Variants in FAM193A observed in about 807,000 individuals in gnomAD.
FAM193A encodes the protein protein FAM193A.
FAM193A carries 22 observed loss-of-function variants against 126.5 expected under a neutral mutation model. The ratio of observed to expected loss-of-function variants is 0.17; its 90% CI spans 0.12 to 0.25. FAM193A has a LOEUF of 0.25. FAM193A is among the 10% of genes least tolerant of loss of function. The probability of loss-of-function intolerance (pLI) is 1.00; values close to 1 mark genes in which losing one functional copy is unlikely to be tolerated. For synonymous variants in FAM193A, 761 were observed against 646.8 expected, an observed-to-expected ratio of 1.18 and a Z score of -2.68; for missense variants, 1,675 against 1,672.8, an observed-to-expected ratio of 1.00 and a Z score of -0.02.
chr4:2,668,823 CCTTTTCCTTTT>C (rs147244398), intron 12 of FAM193A, among the ~76,000 whole-genome samples: 3,149 of 149,392 alleles, frequency 0.021, 85 homozygotes, highest in African/African-American at 0.061. Flanking sequence ...TTTCTCTTTT[CCTTTTCCTTTT>C]CTTTTCCTTT....
At chr4:2,613,688 G>A (rs992086741) in intron 2 of FAM193A, among the ~76,000 whole-genome samples, 2 of 151,574 alleles carry the variant, frequency 1.3e-5, no homozygotes, top group Non-Finnish European at 2.9e-5. Flanking sequence ...TCCCGACCTC[G>A]GGTGATCCGC....
Position 2,604,980 on chromosome 4 carries a change from T to A in FAM193A, c.501+8651T>A, listed in dbSNP as rs796422964. 4.1e-3 allele frequency among the ~76,000 whole-genome samples: 614 copies of A among 150,058 alleles called. 6 individuals carry two copies. Among genetic ancestry groups the A allele is most frequent in the African/African-American group, 0.011 (443 of 40,812 alleles). On this transcript the variant is annotated intron_variant, in intron 2 of 20. Transcript: ENST00000637812. ...TCCTGGATGATTTTTTTTTTTTTTT[T>A]AAATTTTTTGTAGGGATGGGTCCCT...
rs1341944153 is a variant in FAM193A, at chr4:2,627,859, C to T, written c.803+1282C>T. Among the ~76,000 whole-genome samples the T allele has an allele frequency of 2.0e-5, 3 of 152,132 alleles. No homozygotes were observed. In the East Asian group the frequency reaches 5.8e-4, roughly 29 times the overall value. ...CTGGGTTCACGCCGTTCTCCTGCCT[C>T]AGCCTGCCGAGTAGCTGGGACTACA... On this transcript the variant is annotated intron_variant, in intron 4 of 20. Transcript: ENST00000637812.
chr4:2,549,365 G>A (rs1401190396), intron 1 of FAM193A, among the ~76,000 whole-genome samples: 1 of 149,612 alleles, frequency 6.7e-6, no homozygotes, highest in African/African-American at 2.5e-5. Context: ...AGGTTATGAC[G>A]ATTTTTTTCC....
At chr4:2,585,631 G>A (rs1740190316) in intron 1 of FAM193A, among the ~76,000 whole-genome samples, 1 of 151,980 alleles carries the variant, frequency 6.6e-6, no homozygotes, top group African/African-American at 2.4e-5. Context: ...TCAAATAGAA[G>A]TTTTAAATTT....
chr4:2,569,291 A>G (rs901859535), intron 1 of FAM193A, among the ~76,000 whole-genome samples: 2 of 151,672 alleles, frequency 1.3e-5, no homozygotes, highest in Admixed American at 6.6e-5. Context: ...GAGCCAGCTG[A>G]TCGGAAACCC....
intron 2 of FAM193A, among the ~76,000 whole-genome samples, chr4:2,606,246 T>A (rs1317635646): frequency 6.6e-6 from 1 of 151,730 alleles, no homozygotes; most frequent in African/African-American, 2.4e-5. Context: ...AGATGGGGGT[T>A]TCACCATCTT....
intron 5 of FAM193A, among the ~76,000 whole-genome samples, chr4:2,634,113 G>A (rs186414687): frequency 6.6e-6 from 1 of 152,336 alleles, no homozygotes; most frequent in African/African-American, 2.4e-5. Context: ...GACGACACTA[G>A]TAAGGTTGAA....
At chr4:2,541,549 G>A (rs1440977050) in intron 1 of FAM193A, among the ~76,000 whole-genome samples, 6 of 150,484 alleles carry the variant, frequency 4.0e-5, no homozygotes, top group Non-Finnish European at 8.9e-5. Flanking sequence ...GGGTTCAAGC[G>A]ATTCTCCTGC....
intron 3 of FAM193A, 122 bp from the exon 4 acceptor site, chr4:2,626,287 AT>A: frequency 1.6e-6 from 1 of 625,090 alleles, no homozygotes. Context: ...CAGCAGCCTG[AT>A]TGCCGGCTCC....
rs1461559235 is a variant in FAM193A, at chr4:2,625,251, T to C, written c.502-11T>C. On this transcript the variant is annotated splice_polypyrimidine_tract_variant and intron_variant, in intron 2 of 20. Transcript: ENST00000637812. ...ACATAACTGGTCTATTCTGTTCTCT[T>C]TTTAAAACAGAGCCAAGATTTTCTT... 1.4e-6 allele frequency: 1 copy of C among 699,740 alleles called. No homozygotes were observed. The highest frequency in any genetic ancestry group is 1.7e-5 in the African/African-American group (1 of 57,214). 43.3% of individuals were successfully genotyped at this position (699,740 alleles called of 1,614,324 possible).
intron 20 of FAM193A, among the ~76,000 whole-genome samples, chr4:2,718,448 C>T (rs958534519): frequency 6.6e-6 from 1 of 151,682 alleles, no homozygotes. Context: ...AAGTTTTGTC[C>T]GGGTGCTGTG....
chr4:2,613,138 G>A (rs1741977150), intron 2 of FAM193A, among the ~76,000 whole-genome samples: 1 of 152,084 alleles, frequency 6.6e-6, no homozygotes, highest in Non-Finnish European at 1.5e-5. Flanking sequence ...TTAGTAGTCA[G>A]TATATTAAAA....
chr4:2,703,415 T>A (rs1717958650), intron 19 of FAM193A, among the ~76,000 whole-genome samples: 1 of 152,064 alleles, frequency 6.6e-6, no homozygotes, highest in African/African-American at 2.4e-5. Context: ...CCCAGCTAAT[T>A]TTTGTATTTT....
At chr4:2,691,032 C>G (rs1370683920) in intron 15 of FAM193A, 62 bp downstream of exon 15, 5 of 1,472,758 alleles carry the variant, frequency 3.4e-6, no homozygotes, top group Non-Finnish European at 4.6e-6. Context: ...ACTGACTTCT[C>G]GTCTTTGTAA....
At chr4:2,538,363 G>A (rs1000740346) in intron 1 of FAM193A, among the ~76,000 whole-genome samples, 1 of 151,918 alleles carries the variant, frequency 6.6e-6, no homozygotes, top group Non-Finnish European at 1.5e-5. Flanking sequence ...CACCATGCCC[G>A]GCTAATTTTT....
chr4:2,731,118 C>T (rs554752424), intron 20 of FAM193A, among the ~76,000 whole-genome samples: 35 of 142,288 alleles, frequency 2.5e-4, no homozygotes, highest in South Asian at 4.5e-4. Context: ...ATCACTTCAA[C>T]GTGGGAGGCG....
chr4:2,684,777 C>G (rs1339039076), intron 13 of FAM193A, among the ~76,000 whole-genome samples: 1 of 152,180 alleles, frequency 6.6e-6, no homozygotes, highest in African/African-American at 2.4e-5. Flanking sequence ...CCTGATACTT[C>G]TTTTCATCCT....
Position 2,686,001 on chromosome 4 carries a change from G to A in FAM193A, c.2332-3505G>A, listed in dbSNP as rs188181996. ...GAAATTGGTGTTCTGATTCAATAGC[G>A]TAGTCCACGTTCTGAGAGAGTTACT... On this transcript the variant is annotated intron_variant, in intron 13 of 20. Coordinates refer to ENST00000637812, the MANE Select transcript of FAM193A (RefSeq NM_001366318.2). Among the ~76,000 whole-genome samples, 262 of 152,310 alleles carry A rather than the reference G, an allele frequency of 1.7e-3. 1 individual carries two copies. Among genetic ancestry groups the A allele is most frequent in the Middle Eastern group, 0.01 (3 of 294 alleles).
Sources: allele counts gnomAD v4.1 joint callset (sites outside exome capture counted in the v4.1 genomes callset), GRCh38; gene constraint gnomAD v4.1.1; transcripts MANE v1.5; gene names NCBI Gene and HGNC (gene_info 2026-07-23, HGNC 2026-07-21).